The following MYO16 variants were observed in gnomAD, a reference collection of about 807,000 sequenced individuals.
The protein encoded by MYO16 is unconventional myosin-XVI.
In MYO16, 94 loss-of-function variants were observed where a neutral mutation model predicts 205.3. The ratio of observed to expected loss-of-function variants is 0.46; its 90% CI spans 0.39 to 0.54. The LOEUF (loss-of-function observed/expected upper bound fraction) is 0.54, where lower values mean the gene tolerates loss of function less well. Among genes scored for constraint, MYO16 ranks in the 20% least tolerant of loss-of-function variants. The pLI is 0.00. For synonymous variants in MYO16, 988 were observed against 954.0 expected (o/e 1.04, Z -0.66); for missense variants, 2,315 against 2,387.5 (o/e 0.97, Z 0.63).
At position 109,022,225 on chromosome 13, in the gene MYO16, TTA is replaced by T. The variant is rs1183550111; in HGVS notation, c.2796+2322_2796+2323del. On this transcript the variant is annotated intron_variant, in intron 23 of 34. Transcript: ENST00000457511. ...TATTTATAATTTTTATATTTATATA[TTA>T]TATATATGTATATATTTATATATAC... Among the ~76,000 whole-genome samples, 422 of 133,274 alleles carry T rather than the reference TTA, an allele frequency of 3.2e-3. 14 individuals are homozygous for T. The South Asian group carries it at 0.048, about 15-fold the overall frequency. The allele number at this position is 133,274 out of a possible 152,430, so 87.4% of individuals were successfully genotyped here.
intron 4 of MYO16, among the ~76,000 whole-genome samples, chr13:108,747,289 G>T (rs7988236): frequency 0.033 from 4,946 of 149,422 alleles, 253 homozygotes; most frequent in African/African-American, 0.11. Flanking sequence ...TTTCTTATTC[G>T]AAATTCATCT....
At position 108,929,750 on chromosome 13, in the gene MYO16, G is replaced by A. The variant is rs367898690; in HGVS notation, c.1925+19600G>A. On this transcript the variant is annotated intron_variant, in intron 16 of 34. Coordinates refer to ENST00000457511, the MANE Select transcript of MYO16 (RefSeq NM_001198950.3). ...AGCTATCCGACCTCACATGGCAGCT[G>A]CCCAGTGTTTGAGAAATCCTGGCAC... 2.3e-4 allele frequency among the ~76,000 whole-genome samples: 35 copies of A among 152,164 alleles called. No individual in the cohort carries two copies. In the South Asian group the frequency reaches 7.1e-3, roughly 31 times the overall value.
chr13:108,871,807 C>T (rs1184800074), intron 12 of MYO16, among the ~76,000 whole-genome samples: 1 of 152,100 alleles, frequency 6.6e-6, no homozygotes, highest in Non-Finnish European at 1.5e-5. Flanking sequence ...GAAAAGATCC[C>T]GTGTGGCCCG....
At position 109,025,488 on chromosome 13, in the gene MYO16, AAC is replaced by A. The variant is rs368148445; in HGVS notation, c.2796+5581_2796+5582del. Among the ~76,000 whole-genome samples the A allele has an allele frequency of 9.6e-4, 147 of 152,358 alleles. 3 individuals carry two copies. In the South Asian group the frequency reaches 0.021, roughly 22 times the overall value. On this transcript the variant is annotated intron_variant, in intron 23 of 34. Transcript: ENST00000457511. ...GGGAAGAGGCCGTACATGAAATATT[AAC>A]ACAGTCTCATTAATGAGCATGAATC...
At chr13:109,046,243 A>G (rs1214684166) in intron 23 of MYO16, among the ~76,000 whole-genome samples, 2 of 152,214 alleles carry the variant, frequency 1.3e-5, no homozygotes, top group Non-Finnish European at 2.9e-5. Flanking sequence ...TAAGCCTTTT[A>G]AAGAATGTAT....
intron 2 of MYO16, among the ~76,000 whole-genome samples, chr13:108,689,712 TA>T (rs201716800): frequency 8.7e-4 from 124 of 143,320 alleles, no homozygotes; most frequent in East Asian, 5.0e-3. Flanking sequence ...ATATAAAAGA[TA>T]AAAAAAAAAA....
At chr13:108,666,195 T>A (rs769019815) in intron 2 of MYO16, 46 bp downstream of exon 2, 3 of 1,530,472 alleles carry the variant, frequency 2.0e-6, no homozygotes. Context: ...TGATTTTTCA[T>A]GATTGATTTT....
chr13:108,748,885 C>G (rs896066824), intron 4 of MYO16, among the ~76,000 whole-genome samples: 1 of 152,120 alleles, frequency 6.6e-6, no homozygotes, highest in African/African-American at 2.4e-5. Context: ...GAAGAAATTA[C>G]ATGCAGAATC....
intron 4 of MYO16, among the ~76,000 whole-genome samples, chr13:108,738,168 G>C (rs977666062): frequency 6.5e-5 from 5 of 76,506 alleles, no homozygotes; most frequent in East Asian, 8.5e-4. Flanking sequence ...TATCTCTTGC[G>C]TTCTGCTAGC....
chr13:108,995,072 TAGTC>T (rs2139445064), intron 21 of MYO16, among the ~76,000 whole-genome samples: 1 of 152,338 alleles, frequency 6.6e-6, no homozygotes, highest in Admixed American at 6.5e-5. Context: ...GACTTTATCT[TAGTC>T]AGTTCAGGCA....
chr13:109,182,131 A>G lies in MYO16; in HGVS notation c.5415+2498A>G, dbSNP rs562286766. 3.3e-5 allele frequency among the ~76,000 whole-genome samples: 5 copies of G among 152,236 alleles called. No individual in the cohort carries two copies. In the South Asian group the frequency reaches 8.3e-4, roughly 25 times the overall value. Reference sequence around the variant, plus strand: ...CTGCACCTGGCCTGTTTCATAAAACATAAAGAATTTTTGGTTCAAAAATAA... The same window carrying G: ...CTGCACCTGGCCTGTTTCATAAAACGTAAAGAATTTTTGGTTCAAAAATAA... On this transcript the variant is annotated intron_variant, in intron 34 of 34. Coordinates refer to ENST00000457511, the MANE Select transcript of MYO16 (RefSeq NM_001198950.3).
At chr13:108,868,712 G>A (rs1389909271) in intron 12 of MYO16, among the ~76,000 whole-genome samples, 2 of 151,962 alleles carry the variant, frequency 1.3e-5, no homozygotes, top group Non-Finnish European at 2.9e-5. Context: ...CATGAGGTCA[G>A]GAGTTCAAGA....
chr13:109,170,398 G>C (rs1323296266), intron 33 of MYO16, among the ~76,000 whole-genome samples: 2 of 152,140 alleles, frequency 1.3e-5, no homozygotes, highest in Non-Finnish European at 2.9e-5. Context: ...TCGGAGAACG[G>C]ACTGCCACAA....
At chr13:108,918,298 A>G (rs1881591264) in intron 16 of MYO16, among the ~76,000 whole-genome samples, 2 of 152,260 alleles carry the variant, frequency 1.3e-5, no homozygotes, top group Non-Finnish European at 2.9e-5. Context: ...TTCACATAAT[A>G]AACACATAAA....
chr13:108,796,604 C>T (rs1886795724), intron 6 of MYO16, among the ~76,000 whole-genome samples: 1 of 152,048 alleles, frequency 6.6e-6, no homozygotes, highest in Non-Finnish European at 1.5e-5. Flanking sequence ...ATGATGAGTT[C>T]ATGTCCTTTG....
chr13:108,502,689 A>G, the MYO16 span, among the ~76,000 whole-genome samples: 2 of 152,224 alleles, frequency 1.3e-5, no homozygotes, highest in East Asian at 3.8e-4. Flanking sequence ...TTCTTTAAGA[A>G]TGATAAAGTC....
At chr13:108,726,530 T>A (rs195244) in intron 3 of MYO16, among the ~76,000 whole-genome samples, 4 of 151,132 alleles carry the variant, frequency 2.6e-5, no homozygotes, top group Admixed American at 1.3e-4. Context: ...CTGCACTCCA[T>A]TCTGGTGACA....
At chr13:109,013,866 G>T (rs908032649) in intron 22 of MYO16, among the ~76,000 whole-genome samples, 2 of 152,084 alleles carry the variant, frequency 1.3e-5, no homozygotes, top group Non-Finnish European at 2.9e-5. Flanking sequence ...CCGGATATTA[G>T]CCCTTTGTCA....
intron 28 of MYO16, among the ~76,000 whole-genome samples, chr13:109,119,400 C>G (rs1875876974): frequency 6.6e-6 from 1 of 152,164 alleles, no homozygotes; most frequent in Admixed American, 6.5e-5. Context: ...AATACTTTCC[C>G]TTTATCTAAC....
Sources: gnomAD v4.1 joint callset for allele counts (sites outside exome capture counted in the v4.1 genomes callset) on GRCh38, gnomAD v4.1.1 for gene constraint, MANE v1.5 for transcripts, NCBI Gene and HGNC (gene_info 2026-07-23, HGNC 2026-07-21) for gene names.